Variants in FCHO2 observed in about 807,000 individuals in gnomAD.
FCHO2 encodes F-BAR domain only protein 2.
Under a neutral mutation model 114.1 loss-of-function variants are expected in FCHO2, and 43 were observed. That is an observed-to-expected ratio of 0.38 (90% CI 0.30 to 0.49). The LOEUF is 0.49. Ranked by LOEUF, FCHO2 falls within the 20% of genes least tolerant of loss-of-function variation. The pLI, the probability that FCHO2 is intolerant of heterozygous loss-of-function variation, is 0.97. For synonymous variants in FCHO2, 293 were observed against 315.2 expected (o/e 0.93, Z 0.75); for missense variants, 807 against 950.4 (o/e 0.85, Z 1.98).
intron 5 of FCHO2, 80 bp downstream of exon 5, chr5:72,990,944 T>C (rs1753778428): frequency 7.0e-7 from 1 of 1,422,682 alleles, no homozygotes; most frequent in Non-Finnish European, 9.4e-7. Flanking sequence ...TAGATCAAAC[T>C]GAAAATTATC....
chr5:73,017,333 A>AAC (rs777327288), intron 8 of FCHO2, 25 bp downstream of exon 8: 25 of 1,443,910 alleles, frequency 1.7e-5, no homozygotes, highest in Non-Finnish European at 3.7e-6. Context: ...TCTGCAAGGA[A>AAC]ACATTTTAAA....
chr5:73,054,253 A>G (rs2112842224), intron 14 of FCHO2, 82 bp downstream of exon 14: 1 of 1,252,734 alleles, frequency 8.0e-7, no homozygotes, highest in Non-Finnish European at 1.1e-6. Flanking sequence ...AAATATTTGT[A>G]TTAAATTTTT....
intron 11 of FCHO2, chr5:73,050,998 C>T (rs149207891): frequency 3.4e-5 from 8 of 235,882 alleles, no homozygotes; most frequent in African/African-American, 1.6e-4. Context: ...TTTCAAATCA[C>T]ATGTACTTTT....
chr5:73,020,912 C>A, intron 8 of FCHO2: 1 of 1,347,402 alleles, frequency 7.4e-7, no homozygotes, highest in East Asian at 2.3e-5. Context: ...TCATCTTTAT[C>A]GAAATCATAT....
intron 2 of FCHO2, among the ~76,000 whole-genome samples, chr5:72,968,901 A>G (rs1045822190): frequency 6.6e-6 from 1 of 152,156 alleles, no homozygotes; most frequent in African/African-American, 2.4e-5. Context: ...TAAAACATTA[A>G]CATTTGTTAA....
chr5:73,021,561 CAT>C (rs1021906088), intron 8 of FCHO2, among the ~76,000 whole-genome samples: 13 of 152,226 alleles, frequency 8.5e-5, no homozygotes, highest in African/African-American at 3.1e-4. Context: ...ATTCATTCAT[CAT>C]GTGTTGAATG....
intron 6 of FCHO2, among the ~76,000 whole-genome samples, chr5:73,007,424 T>C (rs1174401220): frequency 6.6e-6 from 1 of 152,208 alleles, no homozygotes; most frequent in Non-Finnish European, 1.5e-5. Flanking sequence ...AAAATTTAAG[T>C]TTATGAGAGC....
chr5:72,958,207 AT>A (rs1349276417), intron 1 of FCHO2, among the ~76,000 whole-genome samples: 2 of 151,630 alleles, frequency 1.3e-5, no homozygotes, highest in East Asian at 1.9e-4. Flanking sequence ...CATCTTATCT[AT>A]TTTTTTCTAT....
intron 2 of FCHO2, among the ~76,000 whole-genome samples, chr5:72,971,728 G>T (rs961917866): frequency 1.1e-4 from 17 of 152,128 alleles, no homozygotes; most frequent in East Asian, 5.8e-4. Context: ...GTCAATTTTG[G>T]CTTTTGTTGC....
chr5:73,024,212 A>G (rs1306807092), intron 8 of FCHO2, among the ~76,000 whole-genome samples: 3 of 152,124 alleles, frequency 2.0e-5, no homozygotes. Flanking sequence ...GGCATATGCC[A>G]GTACACCCCA....
chr5:73,011,461 AT>A lies in FCHO2; in HGVS notation c.601-4156del, dbSNP rs76451908. On this transcript the variant is annotated intron_variant, in intron 6 of 25. Coordinates refer to ENST00000430046, the MANE Select transcript of FCHO2 (RefSeq NM_138782.3). Reference sequence around the variant, plus strand: ...GCTTTTTTTCTGTTTTAAAATTTTTATTTTTTTTTAACTTTTTAAATCTTTT... The same window carrying A: ...GCTTTTTTTCTGTTTTAAAATTTTTATTTTTTTTAACTTTTTAAATCTTTT... Among the ~76,000 whole-genome samples, 571 of 151,188 alleles carry A rather than the reference AT, an allele frequency of 3.8e-3. 6 individuals are homozygous for A. Among genetic ancestry groups the A allele is most frequent in the African/African-American group, 0.013 (536 of 41,178 alleles).
intron 5 of FCHO2, among the ~76,000 whole-genome samples, chr5:73,002,516 T>C (rs1754499407): frequency 6.6e-6 from 1 of 152,212 alleles, no homozygotes. Flanking sequence ...ATATATTTAC[T>C]TGGAAAATAA....
At chr5:73,011,693 T>G (rs1327798838) in intron 6 of FCHO2, among the ~76,000 whole-genome samples, 1 of 152,058 alleles carries the variant, frequency 6.6e-6, no homozygotes, top group Non-Finnish European at 1.5e-5. Flanking sequence ...GGCAGATCAC[T>G]TGAGGTCACG....
rs78443508 is a variant in FCHO2 at position 72,988,791 on chromosome 5, A to G, written c.126-636A>G. 8.7e-4 allele frequency among the ~76,000 whole-genome samples: 133 copies of G among 152,366 alleles called. 2 individuals carry two copies. In the East Asian group the frequency reaches 0.024, roughly 28 times the overall value. The stretch of plus-strand genomic sequence containing the variant: ...GTACAACAAAGAATTATTAAATACA[A>G]ATGACACACTTATCACAGTGAACCA... On this transcript the variant is annotated intron_variant, in intron 2 of 25. Transcript: ENST00000430046.
At chr5:73,082,904 T>G in intron 24 of FCHO2, 79 bp downstream of exon 24, 106 of 1,185,330 alleles carry the variant, frequency 8.9e-5, no homozygotes, top group Non-Finnish European at 1.1e-4. Flanking sequence ...AAACAGAGTC[T>G]AGCTTTGTTG....
At chr5:73,072,259 T>G (rs1170358555) in intron 19 of FCHO2, among the ~76,000 whole-genome samples, 1 of 151,944 alleles carries the variant, frequency 6.6e-6, no homozygotes, top group Non-Finnish European at 1.5e-5. Context: ...CAATAACAAA[T>G]GTTGGTGAGG....
At chr5:72,996,501 A>C (rs1754109139) in intron 5 of FCHO2, among the ~76,000 whole-genome samples, 1 of 152,148 alleles carries the variant, frequency 6.6e-6, no homozygotes, top group South Asian at 2.1e-4. Flanking sequence ...CTGTAAAAAC[A>C]GAAAAAAGCT....
chr5:73,034,806 C>CATTCCATAGG, intron 9 of FCHO2, 105 bp downstream of exon 9: 1 of 843,706 alleles, frequency 1.2e-6, no homozygotes, highest in Non-Finnish European at 1.7e-6. Flanking sequence ...GTCAGCATAC[C>CATTCCATAGG]TATGGAATGG....
At position 73,090,112 on chromosome 5, in the gene FCHO2, G is replaced by T. The variant is rs562228562; in HGVS notation, c.*2022G>T. The T allele has an allele frequency of 2.0e-3, 305 of 152,646 alleles. 2 individuals carry two copies. The highest frequency in any genetic ancestry group is 2.8e-3 in the Non-Finnish European group (192 of 67,970). 9.5% of individuals were successfully genotyped at this position (152,646 alleles called of 1,614,324 possible). On this transcript the variant is annotated 3_prime_UTR_variant, in exon 26 of 26. Coordinates refer to ENST00000430046, the MANE Select transcript of FCHO2 (RefSeq NM_138782.3). ...ATATTACCTAAAAATGTACAAATTA[G>T]TGAAATGGTTAAACTTCTGCACTTT...
Sources: allele counts gnomAD v4.1 joint callset (sites outside exome capture counted in the v4.1 genomes callset), GRCh38; gene constraint gnomAD v4.1.1; transcripts MANE v1.5; gene names NCBI Gene and HGNC (gene_info 2026-07-23, HGNC 2026-07-21).